Variants in DNAH5 observed in about 807,000 individuals in gnomAD.
DNAH5 encodes the protein dynein axonemal heavy chain 5.
DNAH5 carries 372 observed loss-of-function variants against 518.2 expected under a neutral mutation model. That is an observed-to-expected ratio of 0.72 (90% confidence interval 0.66 to 0.78). DNAH5 has a LOEUF of 0.78. DNAH5 is among the 30% of genes least tolerant of loss of function. The probability of loss-of-function intolerance (pLI) is 0.00; values close to 1 mark genes in which losing one functional copy is unlikely to be tolerated. For missense variants in DNAH5, 5,523 were observed against 5,687.0 expected, an observed-to-expected ratio of 0.97 and a Z score of 0.93; for synonymous variants, 2,039 against 2,025.9, an observed-to-expected ratio of 1.01 and a Z score of -0.17.
At chr5:13,716,417 G>T in intron 74 of DNAH5, 70 bp downstream of exon 74, 2 of 1,074,506 alleles carry the variant, frequency 1.9e-6, no homozygotes, top group Non-Finnish European at 2.9e-6. Context: ...TATAGACAGT[G>T]TAATTAATAC....
chr5:13,841,089 T>G lies in DNAH5; in HGVS notation c.5526A>C (p.Ser1842=). 1 of 1,614,144 alleles carries G rather than the reference T, an allele frequency of 6.2e-7. No individual in the cohort carries two copies. Among genetic ancestry groups the G allele is most frequent in the South Asian group, 1.1e-5 (1 of 91,086 alleles). ...ACTTGGCATTTCTAAGGGCTTCTTC[T>G]GAATCCCGTGTCCATATCATCTGAA... ...LGIQMIWTRD[S]EEALRNAKFD... The change falls in exon 34 of 79, where the codon TCA becomes TCC. Residue 1842 remains serine, a synonymous_variant. Coordinates refer to ENST00000265104, the MANE Select transcript of DNAH5 (RefSeq NM_001369.3).
At chr5:13,828,689 G>A (rs1271028259) in intron 38 of DNAH5, among the ~76,000 whole-genome samples, 1 of 152,232 alleles carries the variant, frequency 6.6e-6, no homozygotes, top group Admixed American at 6.5e-5. Flanking sequence ...TGCACAGCCT[G>A]TAGGAACTAA....
rs754033261 is a variant in DNAH5, at chr5:13,839,417, T to A, written c.5821A>T (p.Ile1941Leu). ...MMIHITDVAF[I>L]YQNEFLGCTD... ...CAGCCTAAAAATTCATTCTGGTATA[T>A]GAACGCCACATCTGTGATGTGAATC... The change falls in exon 35 of 79, where the codon ATA becomes TTA. Residue 1941 changes from isoleucine (I) to leucine (L), a missense_variant. Ile to Leu is a conservative substitution (Grantham distance 5). This residue lies in a region of DNAH5 where 5,121 missense variants were observed against 5,223.3 expected (regional missense o/e 0.98). Transcript: ENST00000265104. 9.3e-6 allele frequency: 15 copies of A among 1,613,956 alleles called. No individual in the cohort carries two copies. Among genetic ancestry groups the A allele is most frequent in the African/African-American group, 2.7e-5 (2 of 74,934 alleles).
chr5:13,882,850 T>A (rs750704679), intron 20 of DNAH5, 35 bp from the exon 21 acceptor site: 5 of 1,613,606 alleles, frequency 3.1e-6, no homozygotes, highest in Non-Finnish European at 4.2e-6. Context: ...AGTTCTGTCC[T>A]ATCTGTAAAA....
chr5:14,008,183 A>AAAAG (rs199648044), intron 1 of DNAH5, among the ~76,000 whole-genome samples: 5 of 144,574 alleles, frequency 3.5e-5, no homozygotes, highest in Admixed American at 6.9e-5. Context: ...GAAAAAAAAA[A>AAAAG]AAAGAAAGAA....
At chr5:13,747,024 G>A (rs1749451341) in intron 65 of DNAH5, among the ~76,000 whole-genome samples, 1 of 151,980 alleles carries the variant, frequency 6.6e-6, no homozygotes, top group African/African-American at 2.4e-5. Flanking sequence ...ATCTCCTAAT[G>A]CTATCCCTCC....
intron 61 of DNAH5, among the ~76,000 whole-genome samples, chr5:13,754,727 G>T (rs1003944757): frequency 6.6e-6 from 1 of 151,850 alleles, no homozygotes; most frequent in Non-Finnish European, 1.5e-5. Flanking sequence ...TAGTAGAGAT[G>T]GGGTTTCTCC....
At chr5:13,991,017 G>A (rs940186893) in intron 1 of DNAH5, among the ~76,000 whole-genome samples, 2 of 152,040 alleles carry the variant, frequency 1.3e-5, no homozygotes, top group South Asian at 2.1e-4. Flanking sequence ...AATCCCTCCT[G>A]CGGGCTGCTT....
At chr5:13,797,440 G>A (rs1364722168) in intron 47 of DNAH5, among the ~76,000 whole-genome samples, 1 of 152,098 alleles carries the variant, frequency 6.6e-6, no homozygotes. Context: ...GCAGCCAACA[G>A]GTACATGAAA....
chr5:13,808,102 C>T (rs1400044904), intron 46 of DNAH5, among the ~76,000 whole-genome samples: 3 of 151,726 alleles, frequency 2.0e-5, no homozygotes, highest in Non-Finnish European at 4.4e-5. Flanking sequence ...TGGTGGTGTG[C>T]ACCTGTAATC....
At chr5:13,993,765 A>G (rs1463210537) in intron 1 of DNAH5, among the ~76,000 whole-genome samples, 2 of 152,214 alleles carry the variant, frequency 1.3e-5, no homozygotes, top group Admixed American at 1.3e-4. Flanking sequence ...GCAATGATAA[A>G]GCCAGAAATT....
chr5:13,985,455 A>ATG (rs1230057578), intron 1 of DNAH5, among the ~76,000 whole-genome samples: 2 of 144,842 alleles, frequency 1.4e-5, no homozygotes, highest in African/African-American at 5.1e-5. Context: ...ATATATATAT[A>ATG]TATATATATA....
intron 27 of DNAH5, among the ~76,000 whole-genome samples, chr5:13,865,325 A>G (rs1161647574): frequency 1.3e-5 from 2 of 152,138 alleles, no homozygotes; most frequent in African/African-American, 4.8e-5. Context: ...CAAGAGCTAC[A>G]ACAATACAGA....
intron 21 of DNAH5, among the ~76,000 whole-genome samples, chr5:13,877,616 CAT>C (rs1396463555): frequency 6.6e-6 from 1 of 152,196 alleles, no homozygotes; most frequent in African/African-American, 2.4e-5. Context: ...TAACCAAAAA[CAT>C]ATCCGCATCA....
chr5:13,889,874 G>A (rs11749049), intron 17 of DNAH5, among the ~76,000 whole-genome samples: 84,352 of 151,902 alleles, frequency 0.56, 23,640 homozygotes, highest in South Asian at 0.63. Flanking sequence ...GTGCAACTAC[G>A]TGCTGAGTTC....
intron 59 of DNAH5, among the ~76,000 whole-genome samples, chr5:13,764,388 A>G (rs570328992): frequency 1.3e-5 from 2 of 152,322 alleles, no homozygotes; most frequent in East Asian, 3.9e-4. Flanking sequence ...TTTTACATAT[A>G]AGGAAATTCT....
intron 75 of DNAH5, 25 bp from the exon 76 acceptor site, chr5:13,708,360 A>C (rs758111803): frequency 1.4e-5 from 22 of 1,611,568 alleles, no homozygotes; most frequent in Admixed American, 1.2e-4. Context: ...TTCAAAGCAC[A>C]TGTTAACAAT....
chr5:13,779,307 C>T (rs77462403), intron 53 of DNAH5, among the ~76,000 whole-genome samples: 3,103 of 152,252 alleles, frequency 0.02, 88 homozygotes, highest in African/African-American at 0.07. Flanking sequence ...TTGAATAAAA[C>T]AGTAATCTTT....
intron 9 of DNAH5, 124 bp from the exon 10 acceptor site, chr5:13,914,766 AT>A (rs1580868194): frequency 4.1e-5 from 40 of 982,108 alleles, no homozygotes; most frequent in East Asian, 1.2e-4. Flanking sequence ...GCTTGGGTTT[AT>A]TTTTTTTCCA....
Sources: gnomAD v4.1 joint callset for allele counts (sites outside exome capture counted in the v4.1 genomes callset) on GRCh38, gnomAD v4.1.1 for gene constraint, gnomAD v4.1.1 regional missense constraint, MANE v1.5 for transcripts, NCBI Gene and HGNC (gene_info 2026-07-23, HGNC 2026-07-21) for gene names.